FGGY: variants seen among roughly 807,000 people sequenced by gnomAD.
FGGY encodes the protein FGGY carbohydrate kinase domain-containing protein.
A neutral mutation model predicts 71.3 loss-of-function variants in FGGY; 72 were observed. That is an observed-to-expected ratio of 1.01 (90% CI 0.84 to 1.23). The LOEUF is 1.23. Among genes scored for constraint, FGGY ranks in the 50% most tolerant of loss-of-function variants. The pLI is 0.00. For synonymous variants in FGGY, 251 were observed against 250.3 expected (o/e 1.00, Z -0.02); for missense variants, 668 against 682.3 (o/e 0.98, Z 0.23).
At chr1:59,443,707 A>G (rs2070535324) in intron 5 of FGGY, among the ~76,000 whole-genome samples, 1 of 152,222 alleles carries the variant, frequency 6.6e-6, no homozygotes, top group Admixed American at 6.5e-5. Flanking sequence ...TGGAAGAGGT[A>G]TTTTAATATT....
chr1:59,512,297 T>C lies in FGGY; in HGVS notation c.671-14T>C, dbSNP rs1458328037. 3.8e-6 allele frequency: 6 copies of C among 1,584,490 alleles called. No homozygotes were observed. In the African/African-American group the frequency reaches 6.8e-5, roughly 18 times the overall value. ...TCAAACTGATGGTGTTTGTTTTTTCTCATGTCTACCCAGGAAACCAAGTGC... is the reference window on the plus strand; with the variant it reads ...TCAAACTGATGGTGTTTGTTTTTTCCCATGTCTACCCAGGAAACCAAGTGC... On this transcript the variant is annotated splice_polypyrimidine_tract_variant and intron_variant, in intron 6 of 15. Coordinates refer to ENST00000303721, the MANE Select transcript of FGGY (RefSeq NM_018291.5).
chr1:59,684,663 G>C (rs2097530869), intron 14 of FGGY, among the ~76,000 whole-genome samples: 2 of 152,200 alleles, frequency 1.3e-5, no homozygotes, highest in South Asian at 4.1e-4. Context: ...AGTAGAAAGA[G>C]TAAGTGAGCT....
chr1:59,384,831 T>C (rs1314833956), intron 5 of FGGY, among the ~76,000 whole-genome samples: 1 of 152,160 alleles, frequency 6.6e-6, no homozygotes, highest in Non-Finnish European at 1.5e-5. Flanking sequence ...CCACATTGTC[T>C]GTTCTCTTTT....
chr1:59,549,270 T>C (rs2095571768), intron 7 of FGGY, among the ~76,000 whole-genome samples: 1 of 152,238 alleles, frequency 6.6e-6, no homozygotes, highest in South Asian at 2.1e-4. Context: ...CTGGATGGGA[T>C]TCATCAGTCA....
At chr1:59,324,533 C>T (rs1163148440) in intron 2 of FGGY, among the ~76,000 whole-genome samples, 1 of 151,998 alleles carries the variant, frequency 6.6e-6, no homozygotes, top group Non-Finnish European at 1.5e-5. Context: ...GCCTCGGCCT[C>T]CCAAAGTGCT....
chr1:59,392,087 CTT>C (rs2060766648), intron 5 of FGGY, among the ~76,000 whole-genome samples: 1 of 152,072 alleles, frequency 6.6e-6, no homozygotes, highest in East Asian at 1.9e-4. Context: ...GTTCAGGAGT[CTT>C]TTTCCTGACC....
intron 14 of FGGY, among the ~76,000 whole-genome samples, chr1:59,717,930 ATCT>A (rs1218822465): frequency 1.3e-5 from 2 of 152,162 alleles, no homozygotes; most frequent in Non-Finnish European, 2.9e-5. Context: ...GGGTATTATC[ATCT>A]TCTTTGTATA....
Position 59,408,084 on chromosome 1 carries a change from G to A in FGGY, c.554+29247G>A, listed in dbSNP as rs149919683. ...TTGACTCTCAGCATTTCATTGGGAG[G>A]CCATGTGGTGTCATGATGGAGAAAA... On this transcript the variant is annotated intron_variant, in intron 5 of 15. Coordinates refer to ENST00000303721, the MANE Select transcript of FGGY (RefSeq NM_018291.5). Among the ~76,000 whole-genome samples, 465 of 152,258 alleles carry A rather than the reference G, an allele frequency of 3.1e-3. 5 individuals carry two copies. The highest frequency in any genetic ancestry group is 0.011 in the African/African-American group (441 of 41,548).
chr1:59,615,384 A>G (rs1192492509), intron 9 of FGGY, among the ~76,000 whole-genome samples: 3 of 152,080 alleles, frequency 2.0e-5, no homozygotes, highest in Non-Finnish European at 4.4e-5. Flanking sequence ...AATCTGACAA[A>G]AGCAATGGGG....
chr1:59,379,196 G>C (rs1248819814), intron 5 of FGGY, among the ~76,000 whole-genome samples: 4 of 92,070 alleles, frequency 4.3e-5, no homozygotes, highest in East Asian at 3.8e-4. Context: ...CACACACAGA[G>C]TCACGCATTC....
intron 2 of FGGY, among the ~76,000 whole-genome samples, chr1:59,332,221 T>C (rs1340607471): frequency 6.6e-6 from 1 of 152,160 alleles, no homozygotes; most frequent in Non-Finnish European, 1.5e-5. Context: ...GAGTTGACAG[T>C]TGTTAGACAT....
intron 4 of FGGY, among the ~76,000 whole-genome samples, chr1:59,374,292 C>T (rs2058260202): frequency 6.6e-6 from 1 of 152,162 alleles, no homozygotes; most frequent in South Asian, 2.1e-4. Flanking sequence ...AGCCAGAAAC[C>T]ACATGAAAAA....
chr1:59,700,463 A>T (rs2097700619), intron 14 of FGGY, among the ~76,000 whole-genome samples: 1 of 152,216 alleles, frequency 6.6e-6, no homozygotes, highest in African/African-American at 2.4e-5. Context: ...CCAACAAGGA[A>T]ACTTCAACAA....
intron 15 of FGGY, among the ~76,000 whole-genome samples, chr1:59,761,213 T>G (rs910114788): frequency 6.6e-6 from 1 of 152,192 alleles, no homozygotes; most frequent in Admixed American, 6.5e-5. Context: ...CAGCTAATGT[T>G]AGGCCACATT....
intron 5 of FGGY, among the ~76,000 whole-genome samples, chr1:59,379,548 G>A (rs1446929568): frequency 6.6e-6 from 1 of 152,150 alleles, no homozygotes; most frequent in Admixed American, 6.5e-5. Flanking sequence ...CAGTGAGTGA[G>A]TGGTGATTGA....
intron 5 of FGGY, among the ~76,000 whole-genome samples, chr1:59,380,073 G>T (rs1032352740): frequency 6.6e-6 from 1 of 151,906 alleles, no homozygotes; most frequent in Non-Finnish European, 1.5e-5. Context: ...GCGATAGATT[G>T]CTGAGAATGA....
intron 4 of FGGY, among the ~76,000 whole-genome samples, chr1:59,367,925 G>A (rs549016606): frequency 5.3e-5 from 8 of 152,246 alleles, no homozygotes; most frequent in African/African-American, 1.9e-4. Context: ...AAAAAAAGCT[G>A]TTCTCTTTGG....
At chr1:59,641,297 G>C (rs919511619) in intron 11 of FGGY, 19 of 1,609,514 alleles carry the variant, frequency 1.2e-5, no homozygotes, top group Non-Finnish European at 1.4e-5. Flanking sequence ...CTGGATATCT[G>C]TATATTCCGG....
At chr1:59,638,090 C>T in intron 10 of FGGY, 138 bp from the exon 11 acceptor site, 1 of 772,276 alleles carries the variant, frequency 1.3e-6, no homozygotes, top group South Asian at 1.8e-5. Context: ...TTTGAGAGTA[C>T]AGTGGGCTAG....
Sources: gnomAD v4.1 joint callset for allele counts (sites outside exome capture counted in the v4.1 genomes callset) on GRCh38, gnomAD v4.1.1 for gene constraint, MANE v1.5 for transcripts, NCBI Gene and HGNC (gene_info 2026-07-23, HGNC 2026-07-21) for gene names.